The following FGGY variants were observed in gnomAD, a reference collection of about 807,000 sequenced individuals.
FGGY encodes FGGY carbohydrate kinase domain containing.
A neutral mutation model predicts 71.3 loss-of-function variants in FGGY; 72 were observed. That is an observed-to-expected ratio of 1.01 (90% CI 0.84 to 1.23). The LOEUF is 1.23. Among genes scored for constraint, FGGY ranks in the 50% most tolerant of loss-of-function variants. FGGY has a pLI of 0.00. For missense variants in FGGY, 668 were observed against 682.3 expected (o/e 0.98, Z 0.23); for synonymous variants, 251 against 250.3 (o/e 1.00, Z -0.02).
At chr1:59,616,501 G>A (rs1228397922) in intron 9 of FGGY, among the ~76,000 whole-genome samples, 1 of 152,102 alleles carries the variant, frequency 6.6e-6, no homozygotes, top group Admixed American at 6.5e-5. Context: ...GGAGTGGAGA[G>A]GGATAGCATT....
chr1:59,501,089 G>A (rs1317812434), intron 6 of FGGY, among the ~76,000 whole-genome samples: 1 of 152,182 alleles, frequency 6.6e-6, no homozygotes, highest in Non-Finnish European at 1.5e-5. Context: ...ACATCCTGTA[G>A]ATTCACCCAT....
At chr1:59,650,528 A>G (rs1266294043) in intron 11 of FGGY, among the ~76,000 whole-genome samples, 1 of 98,418 alleles carries the variant, frequency 1.0e-5, no homozygotes. Context: ...ATTTTCTAGT[A>G]TATTTGCATA....
intron 8 of FGGY, among the ~76,000 whole-genome samples, chr1:59,592,390 A>G (rs889422702): frequency 1.3e-5 from 2 of 152,124 alleles, no homozygotes; most frequent in Non-Finnish European, 2.9e-5. Context: ...TTCCTCAGGG[A>G]TCTAGAACTA....
rs35768218 is a variant in FGGY at position 59,297,816 on chromosome 1, G to GA, written c.-15+682dup. Among the ~76,000 whole-genome samples the GA allele has an allele frequency of 4.5e-3, 602 of 134,872 alleles. 1 individual carries two copies. Among genetic ancestry groups the GA allele is most frequent in the Middle Eastern group, 0.016 (4 of 254 alleles). The allele number at this position is 134,872 out of a possible 152,430, so 88.5% of individuals were successfully genotyped here. A position where few individuals can be genotyped will look rare whatever the true frequency, so the allele number is the denominator to read the frequency against. On this transcript the variant is annotated intron_variant, in intron 1 of 15. Coordinates refer to ENST00000303721, the MANE Select transcript of FGGY (RefSeq NM_018291.5). ...CCAGCCTGGGGGACAGAGCGTCTCA[G>GA]AAAAAAAAAAAAAAAATTGACAAGG...
At chr1:59,426,761 C>T (rs2066438557) in intron 5 of FGGY, among the ~76,000 whole-genome samples, 2 of 151,894 alleles carry the variant, frequency 1.3e-5, no homozygotes, top group South Asian at 2.1e-4. Flanking sequence ...ATCCCTAGAA[C>T]TGTGTCTAGA....
At position 59,461,074 on chromosome 1, in the gene FGGY, C is replaced by T. The variant is rs138194513; in HGVS notation, c.670+3998C>T. Among the ~76,000 whole-genome samples, 317 of 152,274 alleles carry T rather than the reference C, an allele frequency of 2.1e-3. 3 individuals carry two copies. The highest frequency in any genetic ancestry group is 7.0e-3 in the African/African-American group (292 of 41,540). On this transcript the variant is annotated intron_variant, in intron 6 of 15. Transcript: ENST00000303721. ...AAAGCTGGACGGAGAATGACTTTCA[C>T]GAGTTGACAGAAGTAGGCTTCAGAA...
At chr1:59,522,188 T>C (rs368826986) in intron 7 of FGGY, among the ~76,000 whole-genome samples, 56 of 152,366 alleles carry the variant, frequency 3.7e-4, no homozygotes, top group African/African-American at 1.3e-3. Flanking sequence ...CTGCCAAAGG[T>C]TACATTTTAA....
At chr1:59,570,584 A>G (rs1482772371) in intron 8 of FGGY, among the ~76,000 whole-genome samples, 3 of 152,188 alleles carry the variant, frequency 2.0e-5, no homozygotes, top group African/African-American at 7.2e-5. Flanking sequence ...TCTCATGGAA[A>G]GCAGGATGGA....
At chr1:59,696,173 A>G (rs904629785) in intron 14 of FGGY, among the ~76,000 whole-genome samples, 17 of 152,176 alleles carry the variant, frequency 1.1e-4, no homozygotes, top group African/African-American at 3.9e-4. Context: ...AAAAATGGAG[A>G]TAAAATAAGA....
intron 15 of FGGY, among the ~76,000 whole-genome samples, chr1:59,759,953 G>C (rs2098328136): frequency 6.6e-6 from 1 of 152,172 alleles, no homozygotes; most frequent in South Asian, 2.1e-4. Flanking sequence ...TCACTTAAAT[G>C]TGCTTTGAGA....
intron 2 of FGGY, among the ~76,000 whole-genome samples, chr1:59,328,679 T>G (rs762104286): frequency 9.2e-5 from 14 of 152,258 alleles, no homozygotes; most frequent in Non-Finnish European, 1.8e-4. Context: ...CCTACTTGAC[T>G]AAGCTTAATC....
chr1:59,580,893 G>A lies in FGGY; in HGVS notation c.903+26666G>A, dbSNP rs114162231. Among the ~76,000 whole-genome samples, 201 of 152,226 alleles carry A rather than the reference G, an allele frequency of 1.3e-3. 1 individual carries two copies. Among genetic ancestry groups the A allele is most frequent in the African/African-American group, 4.7e-3 (197 of 41,530 alleles). On this transcript the variant is annotated intron_variant, in intron 8 of 15. Transcript: ENST00000303721. ...TATTCCATTGAGTGACCTTTCCTAT[G>A]ACTATAGAAAGTGGTCAGTTTTTCT...
At chr1:59,649,124 C>T (rs2097130345) in intron 11 of FGGY, among the ~76,000 whole-genome samples, 1 of 151,976 alleles carries the variant, frequency 6.6e-6, no homozygotes, top group South Asian at 2.1e-4. Flanking sequence ...TCTTTTGGTA[C>T]CAGTACCATG....
chr1:59,599,041 GT>G (rs1351674960), intron 8 of FGGY, among the ~76,000 whole-genome samples: 3 of 152,196 alleles, frequency 2.0e-5, no homozygotes, highest in Non-Finnish European at 4.4e-5. Context: ...AGAAGTCAGG[GT>G]TTATGGAAGG....
chr1:59,639,762 G>C (rs1014098839), intron 11 of FGGY, among the ~76,000 whole-genome samples: 1 of 152,166 alleles, frequency 6.6e-6, no homozygotes, highest in African/African-American at 2.4e-5. Context: ...TTGCTCTGGA[G>C]GTCATTTGTT....
At chr1:59,744,050 A>C (rs1023244950) in intron 14 of FGGY, among the ~76,000 whole-genome samples, 24 of 152,218 alleles carry the variant, frequency 1.6e-4, no homozygotes, top group Non-Finnish European at 2.9e-5. Flanking sequence ...AGATTGATGT[A>C]ATAATTTTTA....
chr1:59,653,031 T>C lies in FGGY; in HGVS notation c.1222-7188T>C, dbSNP rs572284776. Among the ~76,000 whole-genome samples, 55 of 152,214 alleles carry C rather than the reference T, an allele frequency of 3.6e-4. 1 individual carries two copies. The highest frequency in any genetic ancestry group is 9.9e-4 in the African/African-American group (41 of 41,520). ...CCTGCCGTGTGAGGTGTCAGTGTGC[T>C]CCTGCTGGGGGGTGCCTCCCAGTTA... On this transcript the variant is annotated intron_variant, in intron 11 of 15. Coordinates refer to ENST00000303721, the MANE Select transcript of FGGY (RefSeq NM_018291.5).
chr1:59,697,880 T>A (rs1417619739), intron 14 of FGGY: 3 of 381,206 alleles, frequency 7.9e-6, no homozygotes, highest in African/African-American at 6.4e-5. Context: ...GGTTTTCAAA[T>A]AAGACAAGCT....
chr1:59,549,578 A>G (rs1270219085), intron 7 of FGGY, among the ~76,000 whole-genome samples: 1 of 152,220 alleles, frequency 6.6e-6, no homozygotes, highest in East Asian at 1.9e-4. Flanking sequence ...CTAAGGACTA[A>G]TTGAAGGTTA....
Sources: allele counts gnomAD v4.1 joint callset (sites outside exome capture counted in the v4.1 genomes callset), GRCh38; gene constraint gnomAD v4.1.1; transcripts MANE v1.5; gene names NCBI Gene and HGNC (gene_info 2026-07-23, HGNC 2026-07-21).